Variants in SLC25A40 observed in about 807,000 individuals in gnomAD.
SLC25A40 encodes the protein solute carrier family 25 member 40.
Under a neutral mutation model 46.5 loss-of-function variants are expected in SLC25A40, and 41 were observed. The observed-to-expected ratio is 0.88, with a 90% CI of 0.69 to 1.14. The LOEUF is 1.14. Ranked by LOEUF, SLC25A40 falls within the 50% of genes most tolerant of loss-of-function variation. The probability of loss-of-function intolerance (pLI) is 0.00; values close to 1 mark genes in which losing one functional copy is unlikely to be tolerated. For synonymous variants in SLC25A40, 126 were observed against 127.5 expected (o/e 0.99, Z 0.08); for missense variants, 386 against 393.6 (o/e 0.98, Z 0.16).
chr7:87,845,443 C>T (rs1010306447), intron 8 of SLC25A40, among the ~76,000 whole-genome samples: 3 of 152,132 alleles, frequency 2.0e-5, no homozygotes, highest in Admixed American at 2.0e-4. Context: ...CTATTGTTAA[C>T]TGCGCATGTG....
At chr7:87,855,097 G>C (rs145794436) in intron 4 of SLC25A40, among the ~76,000 whole-genome samples, 181 of 151,242 alleles carry the variant, frequency 1.2e-3, no homozygotes, top group African/African-American at 4.2e-3. Context: ...AGGAGGTCAA[G>C]GCTGCAGTGA....
chr7:87,862,220 A>G (rs1020127311), intron 1 of SLC25A40, among the ~76,000 whole-genome samples: 2 of 152,148 alleles, frequency 1.3e-5, no homozygotes, highest in African/African-American at 4.8e-5. Context: ...TTTAGGGAGG[A>G]CACATTCTAC....
intron 1 of SLC25A40, among the ~76,000 whole-genome samples, chr7:87,861,370 A>G (rs1262865436): frequency 6.6e-6 from 1 of 152,206 alleles, no homozygotes; most frequent in Non-Finnish European, 1.5e-5. Context: ...TGGATATTAG[A>G]TAATATTTCA....
intron 2 of SLC25A40, among the ~76,000 whole-genome samples, chr7:87,859,174 G>C (rs1338946940): frequency 6.6e-6 from 1 of 152,060 alleles, no homozygotes; most frequent in Non-Finnish European, 1.5e-5. Context: ...ATAATCACCG[G>C]CCAGGCGTGG....
intron 10 of SLC25A40, among the ~76,000 whole-genome samples, chr7:87,838,813 T>C (rs1838291984): frequency 6.6e-6 from 1 of 151,630 alleles, no homozygotes; most frequent in Non-Finnish European, 1.5e-5. Context: ...ATAAATGATA[T>C]CACACTGCAC....
chr7:87,843,621 T>C (rs772329983), intron 9 of SLC25A40, 133 bp downstream of exon 9: 1 of 581,956 alleles, frequency 1.7e-6, no homozygotes, highest in Non-Finnish European at 3.0e-6. Flanking sequence ...TTAAAATAGA[T>C]GGAAAATACT....
rs1584324032 is a variant in SLC25A40 at position 87,843,876 on chromosome 7, A to G, written c.632-13T>C. Reference sequence around the variant, plus strand: ...TACCAGTACATTGCTATAAAAACAGAGAATGAAATGAACACATATTTAGAA... The same window carrying G: ...TACCAGTACATTGCTATAAAAACAGGGAATGAAATGAACACATATTTAGAA... On this transcript the variant is annotated splice_polypyrimidine_tract_variant and intron_variant, in intron 8 of 11. Coordinates refer to ENST00000341119, the MANE Select transcript of SLC25A40 (RefSeq NM_018843.4). The G allele has an allele frequency of 6.5e-7, 1 of 1,550,082 alleles. No homozygotes were observed. Among genetic ancestry groups the G allele is most frequent in the East Asian group, 2.3e-5 (1 of 44,184 alleles).
intron 1 of SLC25A40, among the ~76,000 whole-genome samples, chr7:87,871,964 CATA>C (rs1268440928): frequency 2.0e-5 from 3 of 152,136 alleles, no homozygotes; most frequent in East Asian, 3.8e-4. Flanking sequence ...TAAGGTTGTT[CATA>C]ATATTACTTT....
chr7:87,871,219 G>A (rs978169646), intron 1 of SLC25A40, among the ~76,000 whole-genome samples: 8 of 152,196 alleles, frequency 5.3e-5, no homozygotes, highest in South Asian at 2.1e-4. Context: ...GGGAAATACC[G>A]TGATTCAATG....
At chr7:87,836,978 C>T (rs188331757) in intron 10 of SLC25A40, 168 bp from the exon 11 acceptor site, 94 of 371,482 alleles carry the variant, frequency 2.5e-4, no homozygotes, top group Middle Eastern at 7.4e-4. Flanking sequence ...TAGTTAGATT[C>T]ATTAAAAATA....
At chr7:87,875,084 T>A (rs900636192) in intron 1 of SLC25A40, among the ~76,000 whole-genome samples, 1 of 152,206 alleles carries the variant, frequency 6.6e-6, no homozygotes, top group Non-Finnish European at 1.5e-5. Flanking sequence ...CAAACTACAC[T>A]TCCTTCCACC....
Position 87,840,043 on chromosome 7 carries a change from AT to A in SLC25A40, c.823+1589del, listed in dbSNP as rs572766383. Among the ~76,000 whole-genome samples, 26 of 151,928 alleles carry A rather than the reference AT, an allele frequency of 1.7e-4. No homozygotes were observed. The South Asian group carries it at 4.8e-3, about 28-fold the overall frequency. On this transcript the variant is annotated intron_variant, in intron 10 of 11. Transcript: ENST00000341119. ...ACAAGTGCAATTTCAACTGAAATAT[AT>A]CTTAGTAAACCTTTAAGTAACTGGT... is the stretch of plus-strand genomic sequence containing the variant.
chr7:87,839,291 A>G (rs1838298133), intron 10 of SLC25A40, among the ~76,000 whole-genome samples: 1 of 151,454 alleles, frequency 6.6e-6, no homozygotes, highest in African/African-American at 2.4e-5. Flanking sequence ...TTCTATTTTA[A>G]AATAGAAATA....
chr7:87,869,076 G>GT (rs1838851976), intron 1 of SLC25A40, among the ~76,000 whole-genome samples: 2 of 152,158 alleles, frequency 1.3e-5, no homozygotes, highest in African/African-American at 2.4e-5. Flanking sequence ...TCTGCTTAGA[G>GT]TTTTTTTCAT....
At chr7:87,856,236 C>T (rs1416055778) in intron 4 of SLC25A40, 56 bp downstream of exon 4, 6 of 1,266,674 alleles carry the variant, frequency 4.7e-6, no homozygotes, top group Non-Finnish European at 6.6e-6. Flanking sequence ...AAAAAAAAAA[C>T]CACAGGAACA....
chr7:87,852,003 T>C (rs1838520456), intron 5 of SLC25A40, among the ~76,000 whole-genome samples: 2 of 152,224 alleles, frequency 1.3e-5, no homozygotes, highest in African/African-American at 4.8e-5. Context: ...CTAAGTATAC[T>C]AATTAAAAGG....
At chr7:87,855,352 C>G (rs376813312) in intron 4 of SLC25A40, among the ~76,000 whole-genome samples, 2 of 151,948 alleles carry the variant, frequency 1.3e-5, no homozygotes, top group African/African-American at 4.8e-5. Context: ...TTTTAAATGT[C>G]ATTCTCAATG....
In SLC25A40 at chr7:87,847,105, T is replaced by A; in HGVS notation, c.475A>T (p.Ile159Leu). The change falls in exon 8 of 12, where the codon ATA becomes TTA. Residue 159 changes from isoleucine to leucine, a missense_variant. Physicochemically the swap from Ile to Leu is conservative, Grantham distance 5 (BLOSUM62 2). Coordinates refer to ENST00000341119, the MANE Select transcript of SLC25A40 (RefSeq NM_018843.4). ...GTTCTAATCAATTCTAGTGGACTTA[T>A]CACAGTTACTGCACCAACTAATACA... ...IVARFGAVTV[I>L]SPLELIRTKM... is the part of the protein sequence containing the mutation. The A allele has an allele frequency of 3.0e-5, 49 of 1,609,710 alleles. No homozygotes were observed. The highest frequency in any genetic ancestry group is 4.2e-5 in the Non-Finnish European group (49 of 1,178,010).
At chr7:87,841,043 C>T (rs1343246694) in intron 10 of SLC25A40, among the ~76,000 whole-genome samples, 2 of 150,760 alleles carry the variant, frequency 1.3e-5, no homozygotes, top group East Asian at 1.9e-4. Context: ...TAGGAGTATA[C>T]GTTTGTTCTA....
Sources: gnomAD v4.1 joint callset for allele counts (sites outside exome capture counted in the v4.1 genomes callset) on GRCh38, gnomAD v4.1.1 for gene constraint, MANE v1.5 for transcripts, NCBI Gene and HGNC (gene_info 2026-07-23, HGNC 2026-07-21) for gene names.